HIVEP2: variants seen among roughly 807,000 people sequenced by gnomAD.
The protein encoded by HIVEP2 is HIVEP zinc finger 2.
In HIVEP2, 14 loss-of-function variants were observed where a neutral mutation model predicts 180.7. The ratio of observed to expected loss-of-function variants is 0.08; its 90% CI spans 0.05 to 0.12. The LOEUF is 0.12. Ranked by LOEUF, HIVEP2 falls within the 10% of genes least tolerant of loss-of-function variation. The pLI, the probability that HIVEP2 is intolerant of heterozygous loss-of-function variation, is 1.00. For synonymous variants in HIVEP2, 1,184 were observed against 1,136.4 expected, an observed-to-expected ratio of 1.04 and a Z score of -0.84; for missense variants, 2,579 against 3,008.5, an observed-to-expected ratio of 0.86 and a Z score of 3.34.
rs1035893829 is a variant in HIVEP2, at chr6:142,756,192, T to A, written c.6517-2261A>T. On this transcript the variant is annotated intron_variant, in intron 9 of 9. Coordinates refer to ENST00000367603, the MANE Select transcript of HIVEP2 (RefSeq NM_006734.4). Reference sequence around the variant, plus strand: ...TGTACCAGATCTATTACCCTACGCATCTCTTCAACAGTATGGCAGTAGGGA... The same window carrying A: ...TGTACCAGATCTATTACCCTACGCAACTCTTCAACAGTATGGCAGTAGGGA... 2.0e-5 allele frequency among the ~76,000 whole-genome samples: 3 copies of A among 152,130 alleles called. No individual in the cohort carries two copies. The East Asian group carries it at 5.8e-4, about 29-fold the overall frequency.
At chr6:142,843,557 A>G (rs1775426409) in intron 1 of HIVEP2, among the ~76,000 whole-genome samples, 1 of 152,158 alleles carries the variant, frequency 6.6e-6, no homozygotes, top group African/African-American at 2.4e-5. Flanking sequence ...ACTAAGGGCA[A>G]TTCTAGAAGG....
chr6:142,835,802 T>C (rs780660672), intron 2 of HIVEP2, among the ~76,000 whole-genome samples: 7 of 152,180 alleles, frequency 4.6e-5, no homozygotes, highest in Non-Finnish European at 8.8e-5. Context: ...ATCAAGTTCT[T>C]AGGCAGTGGA....
chr6:142,869,884 A>G (rs1448301187), intron 1 of HIVEP2, among the ~76,000 whole-genome samples: 1 of 152,142 alleles, frequency 6.6e-6, no homozygotes, highest in African/African-American at 2.4e-5. Context: ...CACATGTTCA[A>G]CCATTAGATA....
chr6:142,843,598 A>G (rs1046694557), intron 1 of HIVEP2, among the ~76,000 whole-genome samples: 3 of 152,224 alleles, frequency 2.0e-5, no homozygotes, highest in Non-Finnish European at 4.4e-5. Flanking sequence ...AGAGAAAGCT[A>G]CGGTGAGCCT....
chr6:142,940,293 C>A (rs1279900151), intron 1 of HIVEP2, among the ~76,000 whole-genome samples: 4 of 152,152 alleles, frequency 2.6e-5, no homozygotes, highest in African/African-American at 9.7e-5. Context: ...TTAAAAAAAT[C>A]TGCAAATAAT....
chr6:142,914,869 T>C (rs1175279234), intron 1 of HIVEP2, among the ~76,000 whole-genome samples: 1 of 152,214 alleles, frequency 6.6e-6, no homozygotes, highest in Non-Finnish European at 1.5e-5. Flanking sequence ...ATGCAGGTTT[T>C]CTTCTCCGGT....
chr6:142,785,309 CAAAAAAAAAAAAAAAAAAAAA>C (rs57458259), intron 2 of HIVEP2, among the ~76,000 whole-genome samples: 1 of 65,368 alleles, frequency 1.5e-5, no homozygotes, highest in Non-Finnish European at 2.9e-5. Flanking sequence ...TGGCATTCCT[CAAAAAAAAAAAAAAAAAAAAA>C]AAAAAAAAAA....
chr6:142,841,168 T>C (rs1009278436), intron 1 of HIVEP2, among the ~76,000 whole-genome samples: 3 of 152,154 alleles, frequency 2.0e-5, no homozygotes, highest in Admixed American at 1.3e-4. Flanking sequence ...CCATTTAATA[T>C]ATCAGGCATA....
chr6:142,786,580 C>A (rs1288239172), intron 2 of HIVEP2, among the ~76,000 whole-genome samples: 3 of 152,176 alleles, frequency 2.0e-5, no homozygotes, highest in African/African-American at 7.2e-5. Context: ...CCAGTGGTTT[C>A]TCAGCCTTCC....
At position 142,773,693 on chromosome 6, in the gene HIVEP2, A is replaced by G. The variant is rs1562509213; in HGVS notation, c.1046T>C (p.Met349Thr). 6.2e-7 allele frequency: 1 copy of G among 1,614,184 alleles called. No homozygotes were observed. The highest frequency in any genetic ancestry group is 1.6e-4 in the Middle Eastern group (1 of 6,062). ...NESSQYIGPDMLPNPSLNTKA... is the reference protein window; with the variant it reads ...NESSQYIGPDTLPNPSLNTKA... The stretch of plus-strand genomic sequence containing the variant: ...AGTATTTAAAGATGGATTTGGTAGC[A>G]TATCAGGGCCAATATACTGAGAGCT... The change falls in exon 5 of 10, where the codon ATG becomes ACG. Residue 349 changes from methionine (M) to threonine (T), a missense_variant. Physicochemically the swap from Met to Thr is moderately conservative, Grantham distance 81. Around this residue, in one of 11 missense-constraint regions of HIVEP2, gnomAD observed 142 missense variants for 135.2 expected, o/e 1.05. Coordinates refer to ENST00000367603, the MANE Select transcript of HIVEP2 (RefSeq NM_006734.4).
intron 1 of HIVEP2, among the ~76,000 whole-genome samples, chr6:142,911,162 T>C (rs200289916): frequency 1.7e-3 from 190 of 109,828 alleles, no homozygotes; most frequent in African/African-American, 7.5e-3. Flanking sequence ...AAAAAAAAAC[T>C]TAAAAATAAG....
At chr6:142,823,821 C>T (rs2328386) in intron 2 of HIVEP2, among the ~76,000 whole-genome samples, 117,532 of 152,130 alleles carry the variant, frequency 0.77, 46,221 homozygotes, top group Non-Finnish European at 0.86. Flanking sequence ...AATAGTTTTG[C>T]TTCTGTAAAA....
At chr6:142,899,137 T>G (rs1777069349) in intron 1 of HIVEP2, among the ~76,000 whole-genome samples, 1 of 152,196 alleles carries the variant, frequency 6.6e-6, no homozygotes, top group Non-Finnish European at 1.5e-5. Flanking sequence ...CCTTTGTGAC[T>G]CTACTCCTCC....
chr6:142,785,243 A>G (rs573456335), intron 2 of HIVEP2, among the ~76,000 whole-genome samples: 1 of 149,092 alleles, frequency 6.7e-6, no homozygotes, highest in Non-Finnish European at 1.5e-5. Context: ...AAAAAATCAA[A>G]TAAAAGCACT....
At chr6:142,944,332 G>T (rs1225467247) in intron 1 of HIVEP2, among the ~76,000 whole-genome samples, 3 of 150,482 alleles carry the variant, frequency 2.0e-5, no homozygotes, top group South Asian at 4.2e-4. Context: ...TGTGATAACA[G>T]CTGGGGTAGC....
intron 2 of HIVEP2, among the ~76,000 whole-genome samples, chr6:142,798,495 T>G (rs1383014207): frequency 6.6e-6 from 1 of 152,142 alleles, no homozygotes; most frequent in Non-Finnish European, 1.5e-5. Flanking sequence ...GAAACAGGTT[T>G]GGTTGGCTGG....
In HIVEP2 at chr6:142,768,745, A is replaced by G. The variant is rs184531233; in HGVS notation, c.5188-209T>C. ...AAATTCAACATTCTGTTACAGCTAT[A>G]TATAATAAGTACATATATTATATAT... On this transcript the variant is annotated intron_variant, in intron 5 of 9. Coordinates refer to ENST00000367603, the MANE Select transcript of HIVEP2 (RefSeq NM_006734.4). Among the ~76,000 whole-genome samples the G allele has an allele frequency of 6.0e-5, 9 of 150,994 alleles. No individual in the cohort carries two copies. In the East Asian group the frequency reaches 1.7e-3, roughly 29 times the overall value.
rs557032726 is a variant in HIVEP2, at chr6:142,922,316, C to T, written c.-641+22783G>A. Among the ~76,000 whole-genome samples, 4 of 152,316 alleles carry T rather than the reference C, an allele frequency of 2.6e-5. No homozygotes were observed. In the East Asian group the frequency reaches 5.8e-4, roughly 22 times the overall value. On this transcript the variant is annotated intron_variant, in intron 1 of 9. Coordinates refer to ENST00000367603, the MANE Select transcript of HIVEP2 (RefSeq NM_006734.4). The stretch of plus-strand genomic sequence containing the variant: ...AGGCCCTTCTTTTCACCCTCTGCTT[C>T]CCCCTACTTTTGCCCTTATTCCAAT...
chr6:142,936,735 T>C (rs960799345), intron 1 of HIVEP2, among the ~76,000 whole-genome samples: 3 of 152,174 alleles, frequency 2.0e-5, no homozygotes, highest in African/African-American at 7.2e-5. Context: ...GCAGAGATCC[T>C]GTAAACACTG....
Sources: allele counts gnomAD v4.1 joint callset (sites outside exome capture counted in the v4.1 genomes callset), GRCh38; gene constraint gnomAD v4.1.1; regional missense constraint gnomAD v4.1.1; transcripts MANE v1.5; gene names NCBI Gene and HGNC (gene_info 2026-07-23, HGNC 2026-07-21).